Variants in PCSK6 observed in about 807,000 individuals in gnomAD.
The protein encoded by PCSK6 is proprotein convertase subtilisin/kexin type 6.
In PCSK6, 85 loss-of-function variants were observed where a neutral mutation model predicts 123.3. The observed-to-expected ratio is 0.69, with a 90% CI of 0.58 to 0.83. The LOEUF is 0.83. Ranked by LOEUF, PCSK6 falls within the 40% of genes least tolerant of loss-of-function variation. The pLI is 0.00. For synonymous variants in PCSK6, 508 were observed against 516.0 expected, an observed-to-expected ratio of 0.98 and a Z score of 0.21; for missense variants, 1,191 against 1,282.3, an observed-to-expected ratio of 0.93 and a Z score of 1.09.
At chr15:101,383,992 C>A (rs2041984033) in intron 10 of PCSK6, 1 of 507,620 alleles carries the variant, frequency 2.0e-6, no homozygotes, top group African/African-American at 2.1e-5. Context: ...GCCTCAACTT[C>A]CCTAGTAGCT....
intron 2 of PCSK6, among the ~76,000 whole-genome samples, chr15:101,434,740 G>C (rs746389306): frequency 6.6e-6 from 1 of 152,206 alleles, no homozygotes; most frequent in Non-Finnish European, 1.5e-5. Context: ...GACCAGGCGT[G>C]GGGGCTTCTC....
chr15:101,375,102 G>A (rs1393589274), intron 11 of PCSK6, among the ~76,000 whole-genome samples: 4 of 151,974 alleles, frequency 2.6e-5, no homozygotes, highest in South Asian at 4.2e-4. Context: ...ACAGGCATGC[G>A]CCACCATGCC....
Position 101,382,168 on chromosome 15 carries a change from G to T in PCSK6, c.1456C>A (p.Leu486Ile), listed in dbSNP as rs754714376. ...GTCCACTTCTTTGCCTCCACAACGA[G>T]AGCTTCTGCGTCCACCAAACCAAAT... is the stretch of plus-strand genomic sequence containing the variant. ...YGFGLVDAEA[L>I]VVEAKKWTAV... Residue 486 changes from leucine (L) to isoleucine (I), a missense_variant, in exon 11 of 22, where the codon CTC (leucine) becomes ATC (isoleucine). Around this residue, in one of 3 missense-constraint regions of PCSK6, gnomAD observed 630 missense variants for 631.4 expected, o/e 1.00. Coordinates refer to ENST00000611716, the MANE Select transcript of PCSK6 (RefSeq NM_002570.5). 1.9e-6 allele frequency: 3 copies of T among 1,613,066 alleles called. No individual in the cohort carries two copies. The East Asian group carries it at 6.7e-5, about 36-fold the overall frequency.
At chr15:101,395,591 C>T (rs940838317) in intron 7 of PCSK6, among the ~76,000 whole-genome samples, 2 of 152,132 alleles carry the variant, frequency 1.3e-5, no homozygotes, top group Admixed American at 6.5e-5. Context: ...CTGTCTCTGA[C>T]GACTTTATTT....
At chr15:101,455,469 G>T (rs1056217861) in intron 1 of PCSK6, among the ~76,000 whole-genome samples, 1 of 152,220 alleles carries the variant, frequency 6.6e-6, no homozygotes, top group Non-Finnish European at 1.5e-5. Flanking sequence ...TCACCTGACC[G>T]GGACTGACAG....
intron 7 of PCSK6, among the ~76,000 whole-genome samples, chr15:101,394,137 G>GTTT (rs1444048837): frequency 0.027 from 2,400 of 89,106 alleles, 92 homozygotes; most frequent in African/African-American, 0.097. Context: ...CCGTTTTTTT[G>GTTT]TTTTTTGTTT....
rs75890616 is a variant in PCSK6, at chr15:101,335,975, C to T, written c.1859-3944G>A. On this transcript the variant is annotated intron_variant, in intron 13 of 21. Transcript: ENST00000611716. ...ATAAGTGTTTGTGTACCTAAACACA[C>T]CTAAACATAAAAAGGGTACAGTCAA... Among the ~76,000 whole-genome samples, 16 of 152,298 alleles carry T rather than the reference C, an allele frequency of 1.1e-4. 1 individual carries two copies. The East Asian group carries it at 3.1e-3, about 29-fold the overall frequency.
Position 101,393,230 on chromosome 15 carries a change from G to T in PCSK6, c.1191C>A (p.Ala397=), listed in dbSNP as rs774248871. The change falls in exon 8 of 22, where the codon GCC becomes GCA. Residue 397 remains alanine, a synonymous_variant. Coordinates refer to ENST00000611716, the MANE Select transcript of PCSK6 (RefSeq NM_002570.5). ...STLATTYSSG[A]FYERKIVTTD... ...AACTTACGATTTTTCGCTCATAAAA[G>T]GCCCCACTGCTGTAGGTGGTGGCCA... 19 of 1,613,420 alleles carry T rather than the reference G, an allele frequency of 1.2e-5. No individual in the cohort carries two copies. The highest frequency in any genetic ancestry group is 1.6e-5 in the Non-Finnish European group (19 of 1,179,768).
chr15:101,487,919 ATG>A (rs2058056532), intron 1 of PCSK6, among the ~76,000 whole-genome samples: 1 of 152,206 alleles, frequency 6.6e-6, no homozygotes. Flanking sequence ...GCGTATATGT[ATG>A]TGTGTATATG....
In PCSK6 at chr15:101,331,706, T is replaced by G; in HGVS notation, c.2039-17A>C. 1 of 1,609,044 alleles carries G rather than the reference T, an allele frequency of 6.2e-7. No homozygotes were observed. Among genetic ancestry groups the G allele is most frequent in the Non-Finnish European group, 8.5e-7 (1 of 1,178,716 alleles). On this transcript the variant is annotated splice_polypyrimidine_tract_variant and intron_variant, in intron 14 of 21. Transcript: ENST00000611716. ...TGGATTGAGCTGTGTGAGTGCAAAT[T>G]GCCATGATTATTATGACTCCCAGGC...
At chr15:101,357,657 C>T (rs2041083864) in intron 13 of PCSK6, among the ~76,000 whole-genome samples, 1 of 152,262 alleles carries the variant, frequency 6.6e-6, no homozygotes, top group Non-Finnish European at 1.5e-5. Context: ...TCCTGCCCAC[C>T]TGGCGTGGCC....
chr15:101,414,655 T>G (rs533428883), intron 6 of PCSK6, among the ~76,000 whole-genome samples: 1 of 151,914 alleles, frequency 6.6e-6, no homozygotes, highest in African/African-American at 2.4e-5. Flanking sequence ...AGATTTAGAA[T>G]GTAAAAATTT....
intron 2 of PCSK6, among the ~76,000 whole-genome samples, chr15:101,436,217 A>C (rs757619147): frequency 6.6e-6 from 1 of 152,160 alleles, no homozygotes; most frequent in Non-Finnish European, 1.5e-5. Flanking sequence ...GAGTCCTAAA[A>C]GGAGAGGGGC....
chr15:101,440,356 G>A (rs1208624275), intron 2 of PCSK6, among the ~76,000 whole-genome samples: 1 of 152,246 alleles, frequency 6.6e-6, no homozygotes, highest in Admixed American at 6.5e-5. Flanking sequence ...TTCCGGTACA[G>A]GATCAGTGCG....
chr15:101,438,497 G>T (rs1467282161), intron 2 of PCSK6, among the ~76,000 whole-genome samples: 1 of 152,208 alleles, frequency 6.6e-6, no homozygotes, highest in African/African-American at 2.4e-5. Context: ...AAAAGCAAAT[G>T]ATATGTGGCC....
In PCSK6 at chr15:101,370,911, C is replaced by T. The variant is rs1005868750; in HGVS notation, c.1533-388G>A. Among the ~76,000 whole-genome samples the T allele has an allele frequency of 5.3e-5, 8 of 152,130 alleles. 1 individual carries two copies. The highest frequency in any genetic ancestry group is 3.9e-4 in the East Asian group (2 of 5,180). On this transcript the variant is annotated intron_variant, in intron 11 of 21. Coordinates refer to ENST00000611716, the MANE Select transcript of PCSK6 (RefSeq NM_002570.5). ...ACAGCACAGGCCCCATTCCTCTGGA[C>T]GATGGCCCTGTCTGCCTTGCATTGC...
At chr15:101,452,570 G>A (rs1200265659) in intron 1 of PCSK6, among the ~76,000 whole-genome samples, 1 of 152,166 alleles carries the variant, frequency 6.6e-6, no homozygotes, top group Non-Finnish European at 1.5e-5. Context: ...GGAAGATCCG[G>A]GGTGGCCCAG....
intron 13 of PCSK6, among the ~76,000 whole-genome samples, chr15:101,344,560 A>C (rs971502797): frequency 1.3e-5 from 2 of 152,210 alleles, no homozygotes; most frequent in Non-Finnish European, 2.9e-5. Context: ...GAACTCAACT[A>C]TAAGCCACAG....
At chr15:101,463,930 C>T (rs565127429) in intron 1 of PCSK6, among the ~76,000 whole-genome samples, 8 of 152,144 alleles carry the variant, frequency 5.3e-5, no homozygotes, top group African/African-American at 1.4e-4. Context: ...CCAGAAGGCC[C>T]CCATGGTAGC....
Sources: allele counts gnomAD v4.1 joint callset (sites outside exome capture counted in the v4.1 genomes callset), GRCh38; gene constraint gnomAD v4.1.1; regional missense constraint gnomAD v4.1.1; transcripts MANE v1.5; gene names NCBI Gene and HGNC (gene_info 2026-07-23, HGNC 2026-07-21).